The following ZNF215 variants were observed in gnomAD, a reference collection of about 807,000 sequenced individuals.
ZNF215 encodes the protein BWSCR2-associated zinc finger protein 2.
A neutral mutation model predicts 27.2 loss-of-function variants in ZNF215; 24 were observed. That is an observed-to-expected ratio of 0.88 (90% CI 0.64 to 1.24). ZNF215 has a LOEUF of 1.24. Ranked by LOEUF, ZNF215 falls within the 50% of genes most tolerant of loss-of-function variation. The probability of loss-of-function intolerance (pLI) is 0.00; values close to 1 mark genes in which losing one functional copy is unlikely to be tolerated. For synonymous variants in ZNF215, 210 were observed against 204.0 expected (o/e 1.03, Z -0.25); for missense variants, 675 against 605.7 (o/e 1.11, Z -1.20).
chr11:6,947,594 T>C (rs2133246844), intron 6 of ZNF215, among the ~76,000 whole-genome samples: 1 of 152,056 alleles, frequency 6.6e-6, no homozygotes. Context: ...ATATGAAAAA[T>C]GAGTTGTACA....
intron 5 of ZNF215, among the ~76,000 whole-genome samples, chr11:6,980,682 A>T (rs1456403131): frequency 6.6e-6 from 1 of 151,352 alleles, no homozygotes; most frequent in East Asian, 1.9e-4. Context: ...ATATGTATAC[A>T]TGTGCCATGC....
At chr11:6,974,114 G>T (rs1590084720) in intron 5 of ZNF215, among the ~76,000 whole-genome samples, 1 of 152,014 alleles carries the variant, frequency 6.6e-6, no homozygotes, top group Non-Finnish European at 1.5e-5. Flanking sequence ...TCTACATATG[G>T]CTAGCCAGTT....
Position 6,943,008 on chromosome 11 carries a change from C to A in ZNF215, c.484-75C>A, listed in dbSNP as rs1445879257. 3.2e-6 allele frequency: 5 copies of A among 1,554,504 alleles called. No homozygotes were observed. In the African/African-American group the frequency reaches 4.1e-5, roughly 13 times the overall value. The stretch of plus-strand genomic sequence containing the variant: ...GGTGTATTCTGGCTCCTACCCTATT[C>A]CTTCAAATCCATTCCTTCTCTGGTA... On this transcript the variant is annotated intron_variant, in intron 4 of 6. Coordinates refer to ENST00000278319, the MANE Select transcript of ZNF215 (RefSeq NM_013250.4).
intron 6 of ZNF215, among the ~76,000 whole-genome samples, chr11:6,951,648 T>G (rs1256832436): frequency 6.6e-6 from 1 of 152,186 alleles, no homozygotes; most frequent in Non-Finnish European, 1.5e-5. Context: ...GTCTTGCTAG[T>G]GATCTATCAA....
chr11:6,952,939 A>C (rs1180151324), intron 6 of ZNF215, among the ~76,000 whole-genome samples: 2 of 151,946 alleles, frequency 1.3e-5, no homozygotes, highest in East Asian at 1.9e-4. Flanking sequence ...GGTGGTGACA[A>C]AATCTCTCAG....
In ZNF215 at chr11:6,933,614, C is replaced by T. The variant is rs182938032; in HGVS notation, c.400+942C>T. Among the ~76,000 whole-genome samples the T allele has an allele frequency of 3.7e-4, 56 of 151,790 alleles. 2 individuals are homozygous for T. The highest frequency in any genetic ancestry group is 1.3e-3 in the African/African-American group (53 of 41,408). ...CATCCTGGCTAACATGGTGAAACCCCGTCTCTACTAAAAATACAAAAAAAA... is the reference window on the plus strand; with the variant it reads ...CATCCTGGCTAACATGGTGAAACCCTGTCTCTACTAAAAATACAAAAAAAA... On this transcript the variant is annotated intron_variant, in intron 3 of 6. Transcript: ENST00000278319.
chr11:6,937,746 A>G (rs185670567), intron 3 of ZNF215, among the ~76,000 whole-genome samples: 7 of 151,974 alleles, frequency 4.6e-5, no homozygotes, highest in African/African-American at 1.7e-4. Context: ...GCATTAAATG[A>G]GAAAATAATA....
chr11:6,967,425 G>C (rs1261180690), intron 5 of ZNF215, among the ~76,000 whole-genome samples: 1 of 152,222 alleles, frequency 6.6e-6, no homozygotes, highest in East Asian at 1.9e-4. Context: ...CCCACCAACA[G>C]TGCAAAAGCA....
rs1849569578 is a variant in ZNF215, at chr11:6,939,704, T to C, written c.401-1867T>C. On this transcript the variant is annotated intron_variant, in intron 3 of 6. Coordinates refer to ENST00000278319, the MANE Select transcript of ZNF215 (RefSeq NM_013250.4). ...AATGGAATGAGGGTTTCAGAAAACATGACGGTAAAACTTCAAGAAGGGGAG... is the reference window on the plus strand; with the variant it reads ...AATGGAATGAGGGTTTCAGAAAACACGACGGTAAAACTTCAAGAAGGGGAG... 1.3e-5 allele frequency among the ~76,000 whole-genome samples: 2 copies of C among 152,076 alleles called. 1 individual carries two copies. The highest frequency in any genetic ancestry group is 4.1e-4 in the South Asian group (2 of 4,828).
At chr11:6,941,777 T>G in intron 4 of ZNF215, 124 bp downstream of exon 4, 1 of 961,274 alleles carries the variant, frequency 1.0e-6, no homozygotes, top group Non-Finnish European at 1.6e-6. Context: ...GACTTTTATT[T>G]TCCCACAGGA....
downstream of ZNF215, among the ~76,000 whole-genome samples, chr11:6,961,791 C>T (rs1004185967): frequency 6.6e-6 from 1 of 152,084 alleles, no homozygotes; most frequent in Non-Finnish European, 1.5e-5. Flanking sequence ...TTTTTTTCCA[C>T]CATAACTAAT....
chr11:6,951,144 A>T (rs1016007041), intron 6 of ZNF215, among the ~76,000 whole-genome samples: 2 of 152,184 alleles, frequency 1.3e-5, no homozygotes, highest in Admixed American at 1.3e-4. Flanking sequence ...CCAGTATTTT[A>T]TTGAGGATTT....
At chr11:6,959,580 A>G (rs576220358), downstream of ZNF215, among the ~76,000 whole-genome samples, 6 of 152,358 alleles carry the variant, frequency 3.9e-5, no homozygotes, top group South Asian at 1.0e-3. Flanking sequence ...ATGAATTTAG[A>G]TAAGGTAAAT....
At chr11:6,946,281 G>C (rs56389849) in intron 6 of ZNF215, among the ~76,000 whole-genome samples, 4 of 152,196 alleles carry the variant, frequency 2.6e-5, no homozygotes, top group Non-Finnish European at 5.9e-5. Flanking sequence ...TTTGTGATCT[G>C]CATTTTTTAA....
In ZNF215 at chr11:6,956,769, C is replaced by T; in HGVS notation, c.*238C>T. On this transcript the variant is annotated 3_prime_UTR_variant, in exon 7 of 7. Transcript: ENST00000278319. The stretch of plus-strand genomic sequence containing the variant: ...GCTTTGGAGTTAAACCACAGTATCA[C>T]CATACAAGTATTTGTTTATCATTAT... 1 of 1,290,018 alleles carries T rather than the reference C, an allele frequency of 7.8e-7. No individual in the cohort carries two copies. The allele number at this position is 1,290,018 out of a possible 1,614,324, so 79.9% of individuals were successfully genotyped here. A position where few individuals can be genotyped will look rare whatever the true frequency, so the allele number is the denominator to read the frequency against.
At chr11:6,977,301 C>T (rs899065935) in intron 5 of ZNF215, among the ~76,000 whole-genome samples, 9 of 152,036 alleles carry the variant, frequency 5.9e-5, no homozygotes, top group African/African-American at 1.9e-4. Context: ...CCCAGTCCAG[C>T]ACAGGATGTG....
chr11:6,987,423 ATACTC>A (rs1851070726), downstream of ZNF215, among the ~76,000 whole-genome samples: 1 of 152,168 alleles, frequency 6.6e-6, no homozygotes, highest in Non-Finnish European at 1.5e-5. Context: ...TTTGGGTACT[ATACTC>A]ACTAACTGGA....
chr11:6,943,161 C>T lies in ZNF215; in HGVS notation c.562C>T (p.Leu188=), dbSNP rs779257793. 5 of 1,613,892 alleles carry T rather than the reference C, an allele frequency of 3.1e-6. No individual in the cohort carries two copies. The highest frequency in any genetic ancestry group is 1.3e-5 in the African/African-American group (1 of 74,904). The change falls in exon 5 of 7, where the codon CTG becomes TTG. Residue 188 remains leucine, a synonymous_variant. Coordinates refer to ENST00000278319, the MANE Select transcript of ZNF215 (RefSeq NM_013250.4). The part of the protein sequence containing the change: ...WGQLDSAVKN[L]YRNVMLENFR... The stretch of plus-strand genomic sequence containing the variant: ...GCAACTGGACTCTGCTGTAAAGAAC[C>T]TGTACAGGAATGTGATGCTGGAAAA...
At chr11:6,953,434 C>G (rs1460409231) in intron 6 of ZNF215, among the ~76,000 whole-genome samples, 1 of 152,160 alleles carries the variant, frequency 6.6e-6, no homozygotes, top group Non-Finnish European at 1.5e-5. Context: ...TTGTTTGTTT[C>G]TTTTTATTCT....
Sources: gnomAD v4.1 joint callset for allele counts (sites outside exome capture counted in the v4.1 genomes callset) on GRCh38, gnomAD v4.1.1 for gene constraint, MANE v1.5 for transcripts, NCBI Gene and HGNC (gene_info 2026-07-23, HGNC 2026-07-21) for gene names.